GLIS1: variants seen among roughly 807,000 people sequenced by gnomAD.
The protein encoded by GLIS1 is zinc finger protein GLIS1.
Under a neutral mutation model 63.8 loss-of-function variants are expected in GLIS1, and 24 were observed. The ratio of observed to expected loss-of-function variants is 0.38; its 90% CI spans 0.27 to 0.53. GLIS1 has a LOEUF of 0.53. Ranked by LOEUF, GLIS1 falls within the 20% of genes least tolerant of loss-of-function variation. The pLI, the probability that GLIS1 is intolerant of heterozygous loss-of-function variation, is 0.85. For missense variants in GLIS1, 1,036 were observed against 1,074.1 expected (o/e 0.96, Z 0.50); for synonymous variants, 450 against 482.5 (o/e 0.93, Z 0.88).
At chr1:53,525,012 T>G in intron 5 of GLIS1, 125 bp from the exon 6 acceptor site, 2 of 696,064 alleles carry the variant, frequency 2.9e-6, no homozygotes, top group Non-Finnish European at 4.9e-6. Context: ...GTACTCTGCC[T>G]CAGCCAGCCC....
chr1:53,645,317 T>A (rs940284421), intron 2 of GLIS1, among the ~76,000 whole-genome samples: 1 of 152,206 alleles, frequency 6.6e-6, no homozygotes, highest in Non-Finnish European at 1.5e-5. Context: ...CCTGCTCATT[T>A]GTTTCTGTTT....
chr1:53,719,791 G>T lies in GLIS1; in HGVS notation c.259+18015C>A, dbSNP rs145438587. Among the ~76,000 whole-genome samples, 193 of 152,222 alleles carry T rather than the reference G, an allele frequency of 1.3e-3. 1 individual carries two copies. Among genetic ancestry groups the T allele is most frequent in the African/African-American group, 4.2e-3 (173 of 41,524 alleles). On this transcript the variant is annotated intron_variant, in intron 2 of 10. Transcript: ENST00000628545. ...AGACATTATGGAAAACAGTATAAAG[G>T]TTCCTCAAAAAATTAAAATTAGAGC...
At chr1:53,691,711 G>GCTTC (rs1646407748) in intron 2 of GLIS1, among the ~76,000 whole-genome samples, 1 of 152,120 alleles carries the variant, frequency 6.6e-6, no homozygotes, top group Non-Finnish European at 1.5e-5. Context: ...TGCTAATAAA[G>GCTTC]GGTCCTTCAT....
chr1:53,681,908 C>T (rs1553136935), intron 2 of GLIS1, among the ~76,000 whole-genome samples: 1 of 152,014 alleles, frequency 6.6e-6, no homozygotes, highest in Non-Finnish European at 1.5e-5. Flanking sequence ...TTCCTGCTCT[C>T]GGGGGCCTTC....
Position 53,594,688 on chromosome 1 carries a change from G to T in GLIS1, c.740C>A (p.Pro247His), listed in dbSNP as rs930487365. The T allele has an allele frequency of 3.2e-6, 5 of 1,551,288 alleles. No individual in the cohort carries two copies. The South Asian group carries it at 4.9e-5, about 15-fold the overall frequency. Residue 247 changes from proline (P) to histidine (H), a missense_variant, in exon 4 of 11, where the codon CCC (proline) becomes CAC (histidine). Around this residue, in one of 3 missense-constraint regions of GLIS1, gnomAD observed 592 missense variants for 593.9 expected, o/e 1.00. Coordinates refer to ENST00000628545, the MANE Select transcript of GLIS1 (RefSeq NM_001367484.1). Reference sequence around the variant, plus strand: ...GGGTGAGGAGGAGGCTGGGGAGGTGGGGGGTAGGCCCAAGACGCAGCACCG... The same window carrying T: ...GGGTGAGGAGGAGGCTGGGGAGGTGTGGGGTAGGCCCAAGACGCAGCACCG... ...LKRCCVLGLPPTSPASSSPCA... is the reference protein window; with the variant it reads ...LKRCCVLGLPHTSPASSSPCA...
chr1:53,669,005 C>T (rs1646124644), intron 2 of GLIS1, among the ~76,000 whole-genome samples: 1 of 152,176 alleles, frequency 6.6e-6, no homozygotes, highest in Admixed American at 6.5e-5. Context: ...CCCTTTGGCG[C>T]TCCTAACCCC....
Position 53,529,888 on chromosome 1 carries a change from G to T in GLIS1, c.1385C>A (p.Thr462Lys). The change falls in exon 5 of 11, where the codon ACG becomes AAG. Residue 462 changes from threonine to lysine, a missense_variant. By Grantham distance (78) the Thr-to-Lys change is moderately conservative (BLOSUM62 -1). This residue lies in a region of GLIS1 where 44 missense variants were observed against 79.3 expected (regional missense o/e 0.55). Transcript: ENST00000628545. ...CTGGCACAGGTACGGCTTCTCGCCC[G>T]TGTGGCTCCTCAGGTGGATCTTGAG... is the stretch of plus-strand genomic sequence containing the variant. Reference protein sequence around the residue: ...ENLKIHLRSHTGEKPYLCQHP... With the variant: ...ENLKIHLRSHKGEKPYLCQHP... 1 of 1,613,904 alleles carries T rather than the reference G, an allele frequency of 6.2e-7. No homozygotes were observed. The highest frequency in any genetic ancestry group is 8.5e-7 in the Non-Finnish European group (1 of 1,179,966).
chr1:53,559,833 C>T (rs917846138), intron 4 of GLIS1, among the ~76,000 whole-genome samples: 1 of 152,160 alleles, frequency 6.6e-6, no homozygotes, highest in Non-Finnish European at 1.5e-5. Flanking sequence ...ACATCCCCCC[C>T]AGTCATATAC....
chr1:53,629,422 C>A (rs536418259), intron 2 of GLIS1, among the ~76,000 whole-genome samples: 26 of 152,194 alleles, frequency 1.7e-4, no homozygotes, highest in Non-Finnish European at 3.2e-4. Flanking sequence ...ACTGTTAATT[C>A]TTCTAGTCTC....
intron 2 of GLIS1, among the ~76,000 whole-genome samples, chr1:53,642,623 C>T (rs965132612): frequency 9.2e-5 from 14 of 152,188 alleles, no homozygotes; most frequent in Non-Finnish European, 1.3e-4. Context: ...TACAGTAAAG[C>T]ACTTCTTCCT....
intron 2 of GLIS1, among the ~76,000 whole-genome samples, chr1:53,730,324 G>A (rs963116547): frequency 6.6e-6 from 1 of 152,130 alleles, no homozygotes; most frequent in Non-Finnish European, 1.5e-5. Context: ...TTGGAAAGTT[G>A]GCAAAATACA....
At chr1:53,736,629 ATAT>A (rs1418621422) in intron 2 of GLIS1, among the ~76,000 whole-genome samples, 1 of 152,226 alleles carries the variant, frequency 6.6e-6, no homozygotes, top group East Asian at 1.9e-4. Context: ...TCCTTCTAAA[ATAT>A]TATCTCTATC....
At chr1:53,709,344 ATATACATATATATACATATACATATAT>A (rs1646615188) in intron 2 of GLIS1, among the ~76,000 whole-genome samples, 1 of 123,754 alleles carries the variant, frequency 8.1e-6, no homozygotes, top group Non-Finnish European at 1.6e-5. Context: ...ATATATACAT[ATATACATATATATACATATACATATAT>A]ATATACATAT....
intron 4 of GLIS1, 95 bp from the exon 5 acceptor site, chr1:53,530,047 C>T (rs1325957489): frequency 1.8e-6 from 2 of 1,134,802 alleles, no homozygotes; most frequent in African/African-American, 3.1e-5. Flanking sequence ...CCCCAGCACC[C>T]CTGCCCCTCC....
chr1:53,540,092 G>A (rs1184346653), intron 4 of GLIS1, among the ~76,000 whole-genome samples: 1 of 152,142 alleles, frequency 6.6e-6, no homozygotes, highest in East Asian at 1.9e-4. Flanking sequence ...GGCCAGGACT[G>A]CCGGTCCCTT....
At chr1:53,706,201 T>C (rs1282928524) in intron 2 of GLIS1, among the ~76,000 whole-genome samples, 1 of 152,210 alleles carries the variant, frequency 6.6e-6, no homozygotes, top group African/African-American at 2.4e-5. Flanking sequence ...AGACAGTGAA[T>C]GACAGAGCGG....
chr1:53,552,609 T>A (rs1385498649), intron 4 of GLIS1, among the ~76,000 whole-genome samples: 1 of 152,174 alleles, frequency 6.6e-6, no homozygotes, highest in East Asian at 1.9e-4. Context: ...AAAGCAAACA[T>A]TCCCGTGGCC....
Position 53,529,858 on chromosome 1 carries a change from G to A in GLIS1, c.1415C>T (p.Pro472Leu), listed in dbSNP as rs768478557. 14 of 1,613,678 alleles carry A rather than the reference G, an allele frequency of 8.7e-6. No homozygotes were observed. The highest frequency in any genetic ancestry group is 5.5e-5 in the South Asian group (5 of 91,056). Residue 472 changes from proline to leucine, a missense_variant, in exon 5 of 11, where the codon CCG (proline) becomes CTG (leucine). This residue lies in a region of GLIS1 where 44 missense variants were observed against 79.3 expected (regional missense o/e 0.55). Transcript: ENST00000628545. ...TGEKPYLCQH[P>L]GCQKAFSNSS... ...GTTGCTGAAGGCCTTCTGGCAACCC[G>A]GGTGCTGGCACAGGTACGGCTTCTC...
chr1:53,695,938 G>A (rs1356722501), intron 2 of GLIS1, among the ~76,000 whole-genome samples: 1 of 152,238 alleles, frequency 6.6e-6, no homozygotes, highest in Non-Finnish European at 1.5e-5. Context: ...GGCCTTTCCT[G>A]GCCCTCTTTG....
Sources: allele counts gnomAD v4.1 joint callset (sites outside exome capture counted in the v4.1 genomes callset), GRCh38; gene constraint gnomAD v4.1.1; regional missense constraint gnomAD v4.1.1; transcripts MANE v1.5; gene names NCBI Gene and HGNC (gene_info 2026-07-23, HGNC 2026-07-21).